PACRGL: variants seen among roughly 807,000 people sequenced by gnomAD.
The protein encoded by PACRGL is parkin coregulated like.
In PACRGL, 38 loss-of-function variants were observed where a neutral mutation model predicts 34.5. The ratio of observed to expected loss-of-function variants is 1.10; its 90% CI spans 0.85 to 1.44. The LOEUF is 1.44. PACRGL is among the 40% of genes most tolerant of loss of function. The pLI, the probability that PACRGL is intolerant of heterozygous loss-of-function variation, is 0.00. For missense variants in PACRGL, 305 were observed against 281.4 expected, an observed-to-expected ratio of 1.08 and a Z score of -0.60; for synonymous variants, 128 against 100.1, an observed-to-expected ratio of 1.28 and a Z score of -1.66.
chr4:20,741,946 A>G (rs1474724592), intron 8 of PACRGL, among the ~76,000 whole-genome samples: 3 of 152,218 alleles, frequency 2.0e-5, no homozygotes, highest in South Asian at 4.1e-4. Context: ...GAACACCTCT[A>G]TGCGAATAAA....
At chr4:20,716,092 A>G (rs966155959) in intron 7 of PACRGL, 6 of 1,520,412 alleles carry the variant, frequency 3.9e-6, no homozygotes, top group Admixed American at 2.1e-5. Flanking sequence ...AATCTTTAAT[A>G]TAAATATTTA....
chr4:20,713,199 A>G (rs1738131989), intron 6 of PACRGL: 1 of 569,592 alleles, frequency 1.8e-6, no homozygotes, highest in Admixed American at 3.4e-5. Flanking sequence ...TCTGTATGCT[A>G]CATATATTTT....
the PACRGL span, among the ~76,000 whole-genome samples, chr4:20,766,585 CAAA>C: frequency 1.1e-4 from 17 of 151,672 alleles, no homozygotes; most frequent in Admixed American, 1.1e-3. Flanking sequence ...AACAAACAAA[CAAA>C]CATAAAGCAA....
At position 20,731,227 on chromosome 4, in the gene PACRGL, G is replaced by T; in HGVS notation, c.*3886G>T. 1 of 198,668 alleles carries T rather than the reference G, an allele frequency of 5.0e-6. No homozygotes were observed. The highest frequency in any genetic ancestry group is 9.0e-6 in the Non-Finnish European group (1 of 110,838). The allele number at this position is 198,668 out of a possible 1,614,324, so 12.3% of individuals were successfully genotyped here. On this transcript the variant is annotated 3_prime_UTR_variant, in exon 9 of 9. Transcript: ENST00000503585. ...TGAGACTTCAGCCACGTGCCACCGT[G>T]CCCAGCTAACTTAATTTTTTTTTGT...
downstream of PACRGL, chr4:20,734,739 A>G (rs750828647): frequency 6.7e-7 from 1 of 1,498,900 alleles, no homozygotes; most frequent in Admixed American, 2.2e-5. Context: ...TGAAATCCTG[A>G]AAAGAAATAA....
At position 20,732,258 on chromosome 4, in the gene PACRGL, T is replaced by C. The variant is rs920789239; in HGVS notation, c.*4917T>C. ...GATAGGGCCAAATGCTTCTGGCTTT[T>C]CCCTTTTCAATATAATGTGGTGAAG... On this transcript the variant is annotated 3_prime_UTR_variant, in exon 9 of 9. Coordinates refer to ENST00000503585, the MANE Select transcript of PACRGL (RefSeq NM_001258345.3). Among the ~76,000 whole-genome samples the C allele has an allele frequency of 6.6e-6, 1 of 152,208 alleles. No homozygotes were observed. The highest frequency in any genetic ancestry group is 6.5e-5 in the Admixed American group (1 of 15,278).
At chr4:20,736,944 G>A (rs756399402), downstream of PACRGL, among the ~76,000 whole-genome samples, 31 of 152,180 alleles carry the variant, frequency 2.0e-4, no homozygotes, top group Non-Finnish European at 3.5e-4. Context: ...TGTGGTACTG[G>A]CATAAAGACA....
chr4:20,733,444 GCA>G (rs1187634526), downstream of PACRGL, among the ~76,000 whole-genome samples: 3 of 152,096 alleles, frequency 2.0e-5, no homozygotes, highest in Non-Finnish European at 4.4e-5. Flanking sequence ...ATTTATTGTT[GCA>G]CATTTGTTTC....
rs186094219 is a variant in PACRGL, at chr4:20,730,214, C to A, written c.*2873C>A. 3.9e-3 allele frequency: 5,616 copies of A among 1,452,654 alleles called. 15 individuals carry two copies. The highest frequency in any genetic ancestry group is 7.7e-3 in the Admixed American group (327 of 42,566). The allele number at this position is 1,452,654 out of a possible 1,614,324, so 90.0% of individuals were successfully genotyped here. A position where few individuals can be genotyped will look rare whatever the true frequency, so the allele number is the denominator to read the frequency against. ...TTTTGCCCCTGAGTATTGCCTCCTC[C>A]CATCAACCACCTCAACCACCTATGC... is the stretch of plus-strand genomic sequence containing the variant. On this transcript the variant is annotated 3_prime_UTR_variant, in exon 9 of 9. Transcript: ENST00000503585.
intron 8 of PACRGL, among the ~76,000 whole-genome samples, chr4:20,747,809 G>T (rs1484021875): frequency 6.6e-6 from 1 of 152,062 alleles, no homozygotes; most frequent in African/African-American, 2.4e-5. Context: ...TGTTCATCCT[G>T]CCCCTGTGGT....
At chr4:20,700,454 C>T (rs1048887310), upstream of PACRGL, 2 of 152,184 alleles carry the variant, frequency 1.3e-5, no homozygotes, top group African/African-American at 4.8e-5. Context: ...CCGCGCGGAG[C>T]CTCATTTCCC....
chr4:20,696,941 T>C (rs1441598610), upstream of PACRGL, among the ~76,000 whole-genome samples: 4 of 152,258 alleles, frequency 2.6e-5, no homozygotes, highest in African/African-American at 7.2e-5. Flanking sequence ...TTGGACATAT[T>C]GGGTTAATAA....
chr4:20,714,977 A>G (rs1045425858), intron 7 of PACRGL, among the ~76,000 whole-genome samples: 1 of 152,178 alleles, frequency 6.6e-6, no homozygotes, highest in Admixed American at 6.5e-5. Context: ...ATGCACACGT[A>G]TGTTTATCGT....
In PACRGL at chr4:20,724,831, G is replaced by C. The variant is rs1458578867; in HGVS notation, c.633G>C (p.Lys211Asn). Residue 211 changes from lysine (K) to asparagine (N), a missense_variant, in exon 8 of 9, where the codon AAG becomes AAC. Lys to Asn is a moderately conservative substitution (Grantham distance 94). Coordinates refer to ENST00000503585, the MANE Select transcript of PACRGL (RefSeq NM_001258345.3). ...LTSLSKRLMD[K>N]KFKEPITSAL... ...AGCTTTCCAAGAGATTAATGGACAA[G>C]AAATTCAAAGAGCCAATCACCAGCG... 6.7e-6 allele frequency: 10 copies of C among 1,496,032 alleles called. No individual in the cohort carries two copies. The South Asian group carries it at 1.2e-4, about 18-fold the overall frequency. The allele number at this position is 1,496,032 out of a possible 1,614,324, so 92.7% of individuals were successfully genotyped here. A position where few individuals can be genotyped will look rare whatever the true frequency, so the allele number is the denominator to read the frequency against.
At chr4:20,697,156 T>G (rs570352292), upstream of PACRGL, among the ~76,000 whole-genome samples, 59 of 152,322 alleles carry the variant, frequency 3.9e-4, no homozygotes, top group African/African-American at 1.2e-3. Context: ...AAGCGGACAC[T>G]CAATGACTTT....
intron 3 of PACRGL, among the ~76,000 whole-genome samples, chr4:20,705,576 G>A (rs534843282): frequency 3.3e-4 from 50 of 152,214 alleles, no homozygotes; most frequent in African/African-American, 1.1e-3. Context: ...AATCTACAGT[G>A]TCAAGGAAAT....
At chr4:20,736,115 C>T (rs1010732444), downstream of PACRGL, among the ~76,000 whole-genome samples, 1 of 152,186 alleles carries the variant, frequency 6.6e-6, no homozygotes. Flanking sequence ...CCTTCCTGGA[C>T]CCAGCCACCT....
chr4:20,755,986 T>A (rs569715999), downstream of PACRGL, among the ~76,000 whole-genome samples: 3 of 152,244 alleles, frequency 2.0e-5, no homozygotes, highest in South Asian at 4.2e-4. Flanking sequence ...GCTTATGTTC[T>A]ATGGAATGGT....
intron 3 of PACRGL, 119 bp downstream of exon 3, chr4:20,704,933 A>C: frequency 8.9e-7 from 1 of 1,127,380 alleles, no homozygotes; most frequent in Non-Finnish European, 1.3e-6. Flanking sequence ...TAATAATGAG[A>C]GAAGGGCATG....
Sources: allele counts gnomAD v4.1 joint callset (sites outside exome capture counted in the v4.1 genomes callset), GRCh38; gene constraint gnomAD v4.1.1; transcripts MANE v1.5; gene names NCBI Gene and HGNC (gene_info 2026-07-23, HGNC 2026-07-21).